Variants in EXO1 observed in about 807,000 individuals in gnomAD.
EXO1 encodes the protein exonuclease 1.
A neutral mutation model predicts 84.5 loss-of-function variants in EXO1; 69 were observed. That is an observed-to-expected ratio of 0.82 (90% CI 0.67 to 1.00). EXO1 has a LOEUF of 1.00. Ranked by LOEUF, EXO1 falls within the 50% of genes least tolerant of loss-of-function variation. EXO1 has a pLI of 0.00. For synonymous variants in EXO1, 373 were observed against 366.1 expected (o/e 1.02, Z -0.21); for missense variants, 1,045 against 1,000.7 (o/e 1.04, Z -0.60).
At position 241,881,924 on chromosome 1, in the gene EXO1, T is replaced by G. The variant is rs764635010; in HGVS notation, c.2118T>G (p.Asp706Glu). The change falls in exon 14 of 16, where the codon GAT becomes GAG. Residue 706 changes from aspartate (D) to glutamate (E), a missense_variant. By Grantham distance (45) the Asp-to-Glu change is conservative. Transcript: ENST00000366548. ...SSKDSDSEES[D>E]CNIKLLDSQS... ...TGATCTGGGGACTCTAGGAATCTGA[T>G]TGCAATATTAAGTTACTTGACAGTC... 1 of 1,533,594 alleles carries G rather than the reference T, an allele frequency of 6.5e-7. No individual in the cohort carries two copies. The highest frequency in any genetic ancestry group is 1.2e-5 in the South Asian group (1 of 86,546). 95.0% of individuals were successfully genotyped at this position (1,533,594 alleles called of 1,614,324 possible).
intron 12 of EXO1, among the ~76,000 whole-genome samples, chr1:241,876,589 A>T (rs1344214648): frequency 6.6e-6 from 1 of 152,132 alleles, no homozygotes; most frequent in East Asian, 1.9e-4. Flanking sequence ...CTCAAAAAAA[A>T]TTTCTTTTTA....
Position 241,848,215 on chromosome 1 carries a change from C to G in EXO1, c.-558C>G, listed in dbSNP as rs976255774. The G allele has an allele frequency of 6.6e-6, 1 of 152,286 alleles. No homozygotes were observed. Among genetic ancestry groups the G allele is most frequent in the Admixed American group, 6.5e-5 (1 of 15,288 alleles). The allele number at this position is 152,286 out of a possible 1,614,324, so 9.4% of individuals were successfully genotyped here. A position where few individuals can be genotyped will look rare whatever the true frequency, so the allele number is the denominator to read the frequency against. On this transcript the variant is annotated 5_prime_UTR_variant, in exon 1 of 16. Transcript: ENST00000366548. The surrounding 1 kb of genome is among the most constrained non-coding windows in gnomAD (Gnocchi z 4.2). ...CAAATTGAAAGGTCAGCCTTTCGCGCGCTGTGTAGGCAAGTTACCCGTGTT... is the reference window on the plus strand; with the variant it reads ...CAAATTGAAAGGTCAGCCTTTCGCGGGCTGTGTAGGCAAGTTACCCGTGTT...
intron 13 of EXO1, among the ~76,000 whole-genome samples, chr1:241,880,599 T>A (rs1408698371): frequency 1.3e-5 from 2 of 152,188 alleles, no homozygotes; most frequent in Admixed American, 6.5e-5. Context: ...CATTAAGTCC[T>A]CTCTCTTGCT....
rs150105848 is a variant in EXO1, at chr1:241,860,557, C to T, written c.797C>T (p.Thr266Met). The T allele has an allele frequency of 6.2e-5, 100 of 1,613,708 alleles. No homozygotes were observed. Among genetic ancestry groups the T allele is most frequent in the South Asian group, 8.8e-5 (8 of 91,070 alleles). Residue 266 changes from threonine (T) to methionine (M), a missense_variant, in exon 9 of 16, where the codon ACG becomes ATG. By Grantham distance (81) the Thr-to-Met change is moderately conservative. Coordinates refer to ENST00000366548, the MANE Select transcript of EXO1 (RefSeq NM_130398.4). ...GGACATTATCTCAAGATGAATATCA[C>T]GGTACCAGAGGATTACATCAACGGG... The part of the protein sequence containing the change: ...KIGHYLKMNI[T>M]VPEDYINGFI...
chr1:241,886,664 T>G (rs1235246542), intron 15 of EXO1, among the ~76,000 whole-genome samples: 1 of 152,170 alleles, frequency 6.6e-6, no homozygotes, highest in Non-Finnish European at 1.5e-5. Context: ...CCAAAATACT[T>G]TGGTTTATTT....
intron 11 of EXO1, among the ~76,000 whole-genome samples, chr1:241,869,339 G>A (rs1054980754): frequency 1.1e-4 from 16 of 152,194 alleles, no homozygotes; most frequent in African/African-American, 3.9e-4. Context: ...GTACAATATT[G>A]AACAGAAGTG....
intron 15 of EXO1, among the ~76,000 whole-genome samples, chr1:241,888,448 T>C (rs1250594545): frequency 6.6e-6 from 1 of 152,172 alleles, no homozygotes; most frequent in East Asian, 1.9e-4. Flanking sequence ...AGTTTCACTC[T>C]GTTCTGCTTT....
intron 3 of EXO1, among the ~76,000 whole-genome samples, 160 bp from the exon 4 acceptor site, chr1:241,850,249 C>G (rs1252497160): frequency 1.3e-5 from 2 of 151,410 alleles, no homozygotes; most frequent in Non-Finnish European, 2.9e-5. Context: ...CACTGCAGTC[C>G]CTCCTGGGCG....
chr1:241,886,305 T>A (rs942002913), intron 15 of EXO1, among the ~76,000 whole-genome samples: 2 of 152,244 alleles, frequency 1.3e-5, no homozygotes, highest in African/African-American at 4.8e-5. Flanking sequence ...AGAATTCATC[T>A]TCTATATAGT....
intron 10 of EXO1, among the ~76,000 whole-genome samples, chr1:241,863,632 G>T (rs1661528277): frequency 6.6e-6 from 1 of 152,094 alleles, no homozygotes; most frequent in Admixed American, 6.5e-5. Flanking sequence ...AATAAGCCAA[G>T]CCTACCAAGA....
At chr1:241,884,669 GTGTGT>G (rs1314235195) in intron 14 of EXO1, among the ~76,000 whole-genome samples, 71 of 21,042 alleles carry the variant, frequency 3.4e-3, no homozygotes, top group East Asian at 0.02. Flanking sequence ...GTGTGTGTGT[GTGTGT>G]GTGCACGTGC....
chr1:241,878,652 A>G lies in EXO1; in HGVS notation c.1515-97A>G, dbSNP rs1662547014. The G allele has an allele frequency of 6.7e-6, 5 of 746,432 alleles. No homozygotes were observed. The South Asian group carries it at 6.9e-5, about 10-fold the overall frequency. 46.2% of individuals were successfully genotyped at this position (746,432 alleles called of 1,614,324 possible). ...TTATATATTTATGAGACTTTTTTCA[A>G]AAAGAAACTGATTATTCCATTTTGA... is the stretch of plus-strand genomic sequence containing the variant. On this transcript the variant is annotated intron_variant, in intron 12 of 15. Coordinates refer to ENST00000366548, the MANE Select transcript of EXO1 (RefSeq NM_130398.4).
intron 10 of EXO1, among the ~76,000 whole-genome samples, chr1:241,866,498 T>TTTTATTTATTTA (rs4149944): frequency 6.6e-6 from 1 of 151,708 alleles, no homozygotes; most frequent in Non-Finnish European, 1.5e-5. Flanking sequence ...TTACGAAGAT[T>TTTTATTTATTTA]TTTATTTATT....
intron 11 of EXO1, among the ~76,000 whole-genome samples, chr1:241,867,581 A>C (rs1388765347): frequency 6.6e-6 from 1 of 151,954 alleles, no homozygotes; most frequent in African/African-American, 2.4e-5. Flanking sequence ...ATTTTGAGTT[A>C]GTTTTTTTAA....
rs1374178013 is a variant in EXO1 at position 241,848,688 on chromosome 1, C to T, written c.-419-43C>T. ...CCAGGTTTTACATGCAATCTCTCCA[C>T]CTTTAAATGTTGACAAGTACATTTT... On this transcript the variant is annotated intron_variant, in intron 1 of 15. Coordinates refer to ENST00000366548, the MANE Select transcript of EXO1 (RefSeq NM_130398.4). The surrounding 1 kb of genome is among the most constrained non-coding windows in gnomAD (Gnocchi z 4.2). 1 of 152,180 alleles carries T rather than the reference C, an allele frequency of 6.6e-6. No homozygotes were observed. The highest frequency in any genetic ancestry group is 2.4e-5 in the African/African-American group (1 of 41,444). 9.4% of individuals were successfully genotyped at this position (152,180 alleles called of 1,614,324 possible).
chr1:241,885,615 C>T (rs374954214), intron 15 of EXO1, 108 bp downstream of exon 15: 6 of 838,106 alleles, frequency 7.2e-6, no homozygotes, highest in Non-Finnish European at 1.2e-5. Flanking sequence ...TTGTTTCTCT[C>T]ACTATAAAAT....
At chr1:241,854,961 C>T (rs4149879) in intron 6 of EXO1, among the ~76,000 whole-genome samples, 2,089 of 152,018 alleles carry the variant, frequency 0.014, 38 homozygotes, top group African/African-American at 0.048. Context: ...GTTCGTTCCT[C>T]CCTGGGGGCT....
chr1:241,877,142 A>G (rs1323724114), intron 12 of EXO1, among the ~76,000 whole-genome samples: 2 of 152,128 alleles, frequency 1.3e-5, no homozygotes, highest in African/African-American at 4.8e-5. Flanking sequence ...AGTCTTAATT[A>G]TTTTTATTAT....
chr1:241,853,488 C>T lies in EXO1; in HGVS notation c.405+7C>T. 2 of 1,613,798 alleles carry T rather than the reference C, an allele frequency of 1.2e-6. No individual in the cohort carries two copies. Among genetic ancestry groups the T allele is most frequent in the Non-Finnish European group, 1.7e-6 (2 of 1,179,932 alleles). On this transcript the variant is annotated splice_region_variant and intron_variant, in intron 6 of 15. Coordinates refer to ENST00000366548, the MANE Select transcript of EXO1 (RefSeq NM_130398.4). ...GGCCCACAAAGTAATTAAAGTAAGA[C>T]AAAGGGGCAGATGGGCAAGTTCACC...
Sources: allele counts gnomAD v4.1 joint callset (sites outside exome capture counted in the v4.1 genomes callset), GRCh38; gene constraint gnomAD v4.1.1; non-coding constraint Gnocchi (gnomAD v3.1); transcripts MANE v1.5; gene names NCBI Gene and HGNC (gene_info 2026-07-23, HGNC 2026-07-21).